Variants in SERPINI1 observed in about 807,000 individuals in gnomAD.
SERPINI1 encodes the protein serpin family I member 1, also known as neuroserpin.
A neutral mutation model predicts 41.1 loss-of-function variants in SERPINI1; 19 were observed. The observed-to-expected ratio is 0.46, with a 90% CI of 0.32 to 0.68. SERPINI1 has a LOEUF of 0.68. Ranked by LOEUF, SERPINI1 falls within the 30% of genes least tolerant of loss-of-function variation. The pLI is 0.03. For missense variants in SERPINI1, 460 were observed against 479.2 expected (o/e 0.96, Z 0.37); for synonymous variants, 138 against 156.6 (o/e 0.88, Z 0.89).
intron 1 of SERPINI1, among the ~76,000 whole-genome samples, chr3:167,778,576 C>T (rs1042969287): frequency 2.6e-5 from 4 of 152,126 alleles, no homozygotes; most frequent in Non-Finnish European, 5.9e-5. Flanking sequence ...TCAGTTGGTC[C>T]ACCTGAATTC....
chr3:167,757,628 C>G (rs1726235744), intron 1 of SERPINI1, among the ~76,000 whole-genome samples: 1 of 151,988 alleles, frequency 6.6e-6, no homozygotes, highest in Admixed American at 6.6e-5. Flanking sequence ...TATAAATGTT[C>G]CTAACTGTGG....
chr3:167,758,807 A>G (rs1427518650), intron 1 of SERPINI1, among the ~76,000 whole-genome samples: 1 of 152,242 alleles, frequency 6.6e-6, no homozygotes, highest in Admixed American at 6.5e-5. Flanking sequence ...TGCATTAGCT[A>G]TAAGTGAGAT....
chr3:167,781,752 T>C (rs1727133683), intron 1 of SERPINI1, among the ~76,000 whole-genome samples: 2 of 150,764 alleles, frequency 1.3e-5, no homozygotes. Flanking sequence ...CCATTTTTTA[T>C]AATTTTAAAA....
chr3:167,741,750 T>G (rs1725683272), intron 1 of SERPINI1, among the ~76,000 whole-genome samples: 3 of 152,210 alleles, frequency 2.0e-5, no homozygotes. Context: ...TTAAGAAACC[T>G]GTACCTAGTC....
At position 167,793,596 on chromosome 3, in the gene SERPINI1, A is replaced by ATATATATATATTTTTT; in HGVS notation, c.676+813_676+814insATATATATATTTTTTT. Among the ~76,000 whole-genome samples, 315 of 140,580 alleles carry ATATATATATATTTTTT rather than the reference A, an allele frequency of 2.2e-3. 1 individual carries two copies. Among genetic ancestry groups the ATATATATATATTTTTT allele is most frequent in the African/African-American group, 8.3e-3 (303 of 36,522 alleles). The allele number at this position is 140,580 out of a possible 152,430, so 92.2% of individuals were successfully genotyped here. A position where few individuals can be genotyped will look rare whatever the true frequency, so the allele number is the denominator to read the frequency against. On this transcript the variant is annotated intron_variant, in intron 4 of 8. Transcript: ENST00000446050. ...TACAAATATATATATATATATATAT[A>ATATATATATATTTTTT]TTTTTAATTAGCTAGGCATAATGGT...
intron 5 of SERPINI1, among the ~76,000 whole-genome samples, chr3:167,803,315 G>C (rs1423255433): frequency 8.7e-6 from 1 of 115,260 alleles, no homozygotes; most frequent in African/African-American, 3.4e-5. Context: ...AAATAAATAA[G>C]ACAATAGATT....
rs1182632779 is a variant in SERPINI1 at position 167,789,156 on chromosome 3, C to T, written c.28C>T (p.Leu10=). The change falls in exon 2 of 9, where the codon CTG becomes TTG. Residue 10 remains leucine (L), a synonymous_variant. Transcript: ENST00000446050. MAFLGLFSL[L]VLQSMATGAT... is the part of the protein sequence containing the mutation. ...GGCTTTCCTTGGACTCTTCTCTTTG[C>T]TGGTTCTGCAAAGTATGGCTACAGG... 6.2e-6 allele frequency: 10 copies of T among 1,613,922 alleles called. No homozygotes were observed. The African/African-American group carries it at 1.2e-4, about 19-fold the overall frequency.
intron 1 of SERPINI1, among the ~76,000 whole-genome samples, chr3:167,738,621 C>G (rs1725564597): frequency 2.0e-5 from 3 of 151,766 alleles, no homozygotes. Context: ...TTGTAGAGGC[C>G]TGTATTCATA....
At chr3:167,737,194 C>A (rs1725489816) in intron 1 of SERPINI1, among the ~76,000 whole-genome samples, 1 of 152,090 alleles carries the variant, frequency 6.6e-6, no homozygotes, top group African/African-American at 2.4e-5. Context: ...CTGAGTGCTA[C>A]TACCGATAAG....
intron 1 of SERPINI1, among the ~76,000 whole-genome samples, chr3:167,758,191 T>C (rs908579972): frequency 2.0e-5 from 3 of 152,174 alleles, no homozygotes; most frequent in African/African-American, 7.2e-5. Context: ...CACACATTTT[T>C]TCTTGTCTAA....
At chr3:167,784,250 T>A (rs1368056464) in intron 1 of SERPINI1, among the ~76,000 whole-genome samples, 7 of 152,234 alleles carry the variant, frequency 4.6e-5, no homozygotes, top group African/African-American at 1.7e-4. Context: ...TGTATTTTCC[T>A]GCAGGGATGA....
intron 1 of SERPINI1, among the ~76,000 whole-genome samples, chr3:167,768,769 G>A (rs1019403915): frequency 8.5e-5 from 13 of 152,190 alleles, no homozygotes; most frequent in Non-Finnish European, 1.8e-4. Context: ...TTTCTGAGAT[G>A]GTTGAAGGGC....
intron 6 of SERPINI1, among the ~76,000 whole-genome samples, chr3:167,814,545 G>A (rs1712005702): frequency 6.6e-6 from 1 of 152,180 alleles, no homozygotes; most frequent in Non-Finnish European, 1.5e-5. Context: ...TCATGACGCA[G>A]AAATCTATTT....
intron 5 of SERPINI1, among the ~76,000 whole-genome samples, chr3:167,795,212 A>G (rs779856029): frequency 7.9e-5 from 12 of 152,196 alleles, no homozygotes; most frequent in Non-Finnish European, 1.6e-4. Context: ...CTTAAGATTG[A>G]TTATGACTGG....
chr3:167,762,770 G>GT (rs962360903), intron 1 of SERPINI1, among the ~76,000 whole-genome samples: 44 of 148,902 alleles, frequency 3.0e-4, no homozygotes, highest in Middle Eastern at 3.4e-3. Context: ...TTTCACTGAG[G>GT]TTTTTTTTTT....
intron 1 of SERPINI1, among the ~76,000 whole-genome samples, chr3:167,778,479 G>A (rs925725276): frequency 6.6e-6 from 1 of 152,166 alleles, no homozygotes; most frequent in African/African-American, 2.4e-5. Context: ...GATTCAAACT[G>A]TCTTTGGAAG....
At chr3:167,788,528 G>A (rs777656444) in intron 1 of SERPINI1, among the ~76,000 whole-genome samples, 1 of 152,108 alleles carries the variant, frequency 6.6e-6, no homozygotes, top group Non-Finnish European at 1.5e-5. Context: ...GAACCAATAC[G>A]TGAGGAACAA....
chr3:167,793,832 A>ATGTGTGTGTGTG (rs1727619223), intron 4 of SERPINI1, among the ~76,000 whole-genome samples: 2 of 122,284 alleles, frequency 1.6e-5, no homozygotes, highest in African/African-American at 3.7e-5. Flanking sequence ...CATTTTGGCC[A>ATGTGTGTGTGTG]TATGTATGTG....
At chr3:167,793,249 T>C (rs1467563302) in intron 4 of SERPINI1, among the ~76,000 whole-genome samples, 2 of 152,222 alleles carry the variant, frequency 1.3e-5, no homozygotes, top group Non-Finnish European at 2.9e-5. Flanking sequence ...CTTTAATTTA[T>C]TGAGAGCCTA....
Sources: allele counts gnomAD v4.1 joint callset (sites outside exome capture counted in the v4.1 genomes callset), GRCh38; gene constraint gnomAD v4.1.1; transcripts MANE v1.5; gene names NCBI Gene and HGNC (gene_info 2026-07-23, HGNC 2026-07-21).